INPP5A: variants seen among roughly 807,000 people sequenced by gnomAD.
INPP5A encodes inositol polyphosphate-5-phosphatase A.
Under a neutral mutation model 65.2 loss-of-function variants are expected in INPP5A, and 14 were observed. The ratio of observed to expected loss-of-function variants is 0.21; its 90% CI spans 0.14 to 0.34. INPP5A has a LOEUF of 0.34. Ranked by LOEUF, INPP5A falls within the 10% of genes least tolerant of loss-of-function variation. The pLI is 1.00. For missense variants in INPP5A, 431 were observed against 545.6 expected (o/e 0.79, Z 2.09); for synonymous variants, 207 against 208.3 (o/e 0.99, Z 0.05).
intron 1 of INPP5A, among the ~76,000 whole-genome samples, chr10:132,583,585 G>A (rs901537137): frequency 3.9e-5 from 6 of 152,270 alleles, no homozygotes; most frequent in Admixed American, 1.3e-4. Flanking sequence ...AAAGGGAGGA[G>A]GTTTCCTTGT....
chr10:132,588,556 C>T (rs939994505), intron 1 of INPP5A, among the ~76,000 whole-genome samples: 40 of 152,352 alleles, frequency 2.6e-4, no homozygotes, highest in African/African-American at 8.9e-4. Flanking sequence ...TCGTGCGGGG[C>T]AGGATTTCCT....
intron 8 of INPP5A, among the ~76,000 whole-genome samples, chr10:132,719,713 C>T (rs1416134047): frequency 1.3e-5 from 2 of 150,294 alleles, no homozygotes; most frequent in Non-Finnish European, 3.0e-5. Flanking sequence ...TGGGTTCTGT[C>T]TGGGCGCCTT....
At chr10:132,773,470 G>A (rs1846991276) in intron 12 of INPP5A, among the ~76,000 whole-genome samples, 1 of 152,208 alleles carries the variant, frequency 6.6e-6, no homozygotes, top group Admixed American at 6.5e-5. Context: ...TTTAAATTAG[G>A]GATTAGGAGG....
Position 132,704,260 on chromosome 10 carries a change from A to G in INPP5A, c.475-4053A>G, listed in dbSNP as rs951243512. 6.6e-6 allele frequency among the ~76,000 whole-genome samples: 1 copy of G among 152,068 alleles called. No individual in the cohort carries two copies. Among genetic ancestry groups the G allele is most frequent in the Non-Finnish European group, 1.5e-5 (1 of 68,006 alleles). On this transcript the variant is annotated intron_variant, in intron 6 of 15. Transcript: ENST00000368594. The surrounding 1 kb of genome is among the most constrained non-coding windows in gnomAD (Gnocchi z 4.5). ...GGAAAGACGCCTGCCTCCCACTGTC[A>G]CTAGTAGAGGGGCCTCACCCAGTTA...
At chr10:132,635,983 C>CAAAAAAAA (rs202003054) in intron 2 of INPP5A, among the ~76,000 whole-genome samples, 5 of 49,246 alleles carry the variant, frequency 1.0e-4, no homozygotes, top group African/African-American at 1.8e-4. Context: ...ATCTCAAAGA[C>CAAAAAAAA]AAAAAAAAAA....
rs896747869 is a variant in INPP5A, at chr10:132,545,380, C to T, written c.75+7209C>T. Among the ~76,000 whole-genome samples the T allele has an allele frequency of 2.6e-5, 4 of 152,252 alleles. No homozygotes were observed. Among genetic ancestry groups the T allele is most frequent in the Admixed American group, 1.3e-4 (2 of 15,300 alleles). On this transcript the variant is annotated intron_variant, in intron 1 of 15. Coordinates refer to ENST00000368594, the MANE Select transcript of INPP5A (RefSeq NM_005539.5). The surrounding 1 kb of genome is among the most constrained non-coding windows in gnomAD (Gnocchi z 4.6). ...TCGGGGCGGCTGAGGGGGCTGCCTA[C>T]GGCAGGAGACGGCAGGTCTCTCTGA... is the stretch of plus-strand genomic sequence containing the variant.
Position 132,777,677 on chromosome 10 carries a change from G to A in INPP5A, c.984G>A (p.Pro328=), listed in dbSNP as rs140378152. ...TGCCTTCATGTCTCCCCAGCTACCCGTACAGTGAGGACGCCCGCCAGGGTG... is the reference window on the plus strand; with the variant it reads ...TGCCTTCATGTCTCCCCAGCTACCCATACAGTGAGGACGCCCGCCAGGGTG... The part of the protein sequence containing the change: ...ELDISFPPSY[P]YSEDARQGEQ... The change falls in exon 13 of 16, where the codon CCG becomes CCA. Residue 328 remains proline, a synonymous_variant. Coordinates refer to ENST00000368594, the MANE Select transcript of INPP5A (RefSeq NM_005539.5). The A allele has an allele frequency of 2.1e-4, 339 of 1,612,736 alleles. 3 individuals are homozygous for A. Among genetic ancestry groups the A allele is most frequent in the South Asian group, 3.7e-4 (34 of 91,068 alleles).
rs1430222945 is a variant in INPP5A at position 132,698,170 on chromosome 10, A to G, written c.474+251A>G. 6.6e-6 allele frequency among the ~76,000 whole-genome samples: 1 copy of G among 152,216 alleles called. No individual in the cohort carries two copies. The highest frequency in any genetic ancestry group is 1.5e-5 in the Non-Finnish European group (1 of 68,036). The stretch of plus-strand genomic sequence containing the variant: ...TCCTGAATCCTCATATCCAGGAGAA[A>G]GAACCTTCGCCAAAAGATGTAGGAA... On this transcript the variant is annotated intron_variant, in intron 6 of 15. Coordinates refer to ENST00000368594, the MANE Select transcript of INPP5A (RefSeq NM_005539.5). The surrounding 1 kb of genome is among the most constrained non-coding windows in gnomAD (Gnocchi z 5.5).
rs985418810 is a variant in INPP5A, at chr10:132,587,415, G to C, written c.76-20500G>C. 2.0e-5 allele frequency among the ~76,000 whole-genome samples: 3 copies of C among 152,192 alleles called. No homozygotes were observed. Among genetic ancestry groups the C allele is most frequent in the Non-Finnish European group, 4.4e-5 (3 of 68,032 alleles). ...GCCCATGGTGTGCTCTGTGGGGCTG[G>C]CAGGGATCCTGGCATGGCCTGTGTG... On this transcript the variant is annotated intron_variant, in intron 1 of 15. Coordinates refer to ENST00000368594, the MANE Select transcript of INPP5A (RefSeq NM_005539.5). This position sits in a 1 kb window ranked among gnomAD's most constrained non-coding sequence, Gnocchi z 4.3.
chr10:132,763,320 C>T (rs905207565), intron 11 of INPP5A, among the ~76,000 whole-genome samples: 1 of 152,210 alleles, frequency 6.6e-6, no homozygotes, highest in Non-Finnish European at 1.5e-5. Context: ...CTGGCAGCCT[C>T]CCTGCTGCCT....
In INPP5A at chr10:132,727,135, A is replaced by T; in HGVS notation, c.732+230A>T. 2.4e-6 allele frequency: 1 copy of T among 411,188 alleles called. No homozygotes were observed. The highest frequency in any genetic ancestry group is 4.4e-6 in the Non-Finnish European group (1 of 227,316). The allele number at this position is 411,188 out of a possible 1,614,324, so 25.5% of individuals were successfully genotyped here. A position where few individuals can be genotyped will look rare whatever the true frequency, so the allele number is the denominator to read the frequency against. ...AAGGTTGCCCCGGATGGCGGGTGAC[A>T]GTGCTGTGGGGCTTTGCCCTGTGGC... On this transcript the variant is annotated intron_variant, in intron 9 of 15. Coordinates refer to ENST00000368594, the MANE Select transcript of INPP5A (RefSeq NM_005539.5). This position sits in a 1 kb window ranked among gnomAD's most constrained non-coding sequence, Gnocchi z 6.5.
At chr10:132,665,044 G>A (rs934099508) in intron 4 of INPP5A, among the ~76,000 whole-genome samples, 10 of 151,912 alleles carry the variant, frequency 6.6e-5, no homozygotes, top group East Asian at 2.0e-4. Context: ...GCAGCGCCCC[G>A]CCTGTGCAGG....
chr10:132,760,512 T>C (rs1187366530), intron 11 of INPP5A, among the ~76,000 whole-genome samples: 1 of 152,184 alleles, frequency 6.6e-6, no homozygotes, highest in African/African-American at 2.4e-5. Flanking sequence ...CTGTGAAAGC[T>C]CTGGGGTCAC....
intron 1 of INPP5A, among the ~76,000 whole-genome samples, chr10:132,565,967 C>T (rs539087202): frequency 7.9e-5 from 12 of 151,882 alleles, no homozygotes; most frequent in African/African-American, 2.7e-4. Flanking sequence ...TGCTCAATTT[C>T]GTAGCCTGGA....
intron 1 of INPP5A, among the ~76,000 whole-genome samples, chr10:132,604,649 T>G (rs1468856245): frequency 6.6e-6 from 1 of 152,206 alleles, no homozygotes; most frequent in African/African-American, 2.4e-5. Context: ...GGCTGCATAG[T>G]GAAATGTCCT....
chr10:132,708,245 G>A lies in INPP5A; in HGVS notation c.475-68G>A, dbSNP rs565166176. 9.4e-6 allele frequency: 13 copies of A among 1,388,458 alleles called. No individual in the cohort carries two copies. The South Asian group carries it at 1.2e-4, about 13-fold the overall frequency. The allele number at this position is 1,388,458 out of a possible 1,614,324, so 86.0% of individuals were successfully genotyped here. ...AAAGCATCTCCTGTGTCCTTTAGGT[G>A]TGTGGGACCCACGTGTTGCTCTTGC... On this transcript the variant is annotated intron_variant, in intron 6 of 15. Transcript: ENST00000368594.
intron 11 of INPP5A, among the ~76,000 whole-genome samples, chr10:132,759,844 C>T (rs1009878132): frequency 3.3e-5 from 5 of 152,212 alleles, no homozygotes; most frequent in Admixed American, 3.3e-4. Flanking sequence ...TCAGAGTCCC[C>T]TGGGCCTGTT....
intron 8 of INPP5A, among the ~76,000 whole-genome samples, chr10:132,725,976 T>G (rs192126636): frequency 3.6e-4 from 55 of 152,120 alleles, no homozygotes; most frequent in Admixed American, 1.5e-3. Context: ...ACCAGAAGGG[T>G]TGAGTGCCTT....
intron 4 of INPP5A, among the ~76,000 whole-genome samples, chr10:132,684,484 ATG>A (rs950287345): frequency 1.3e-5 from 2 of 152,204 alleles, no homozygotes; most frequent in East Asian, 1.9e-4. Context: ...ATGTGTACAT[ATG>A]TGTGTGTGTG....
Sources: allele counts gnomAD v4.1 joint callset (sites outside exome capture counted in the v4.1 genomes callset), GRCh38; gene constraint gnomAD v4.1.1; non-coding constraint Gnocchi (gnomAD v3.1); transcripts MANE v1.5; gene names NCBI Gene and HGNC (gene_info 2026-07-23, HGNC 2026-07-21).